The following THADA variants were observed in gnomAD, a reference collection of about 807,000 sequenced individuals.
THADA encodes tRNA (32-2'-O)-methyltransferase regulator THADA.
In THADA, 213 loss-of-function variants were observed where a neutral mutation model predicts 219.8. The ratio of observed to expected loss-of-function variants is 0.97; its 90% CI spans 0.87 to 1.09. The LOEUF (loss-of-function observed/expected upper bound fraction) is 1.09, where lower values mean the gene tolerates loss of function less well. THADA is among the 50% of genes least tolerant of loss of function. The pLI is 0.00. For missense variants in THADA, 2,956 were observed against 2,311.3 expected, an observed-to-expected ratio of 1.28 and a Z score of -5.72; for synonymous variants, 1,018 against 828.9, an observed-to-expected ratio of 1.23 and a Z score of -3.92.
At chr2:43,574,162 C>G (rs1308107345) in intron 11 of THADA, among the ~76,000 whole-genome samples, 174 bp downstream of exon 11, 3 of 152,130 alleles carry the variant, frequency 2.0e-5, no homozygotes, top group African/African-American at 7.2e-5. Context: ...CCAAAAAACT[C>G]CATTCAGCTA....
At chr2:43,526,729 T>A (rs1693215196) in intron 22 of THADA, among the ~76,000 whole-genome samples, 1 of 152,198 alleles carries the variant, frequency 6.6e-6, no homozygotes, top group African/African-American at 2.4e-5. Context: ...ACATACCTTT[T>A]GTTAAATATT....
chr2:43,350,643 G>C (rs7583470), intron 29 of THADA, among the ~76,000 whole-genome samples: 3,771 of 152,288 alleles, frequency 0.025, 167 homozygotes, highest in African/African-American at 0.086. Flanking sequence ...GCCCAACTGG[G>C]CTAGAGCCGG....
At chr2:43,333,671 G>C (rs1159158429) in intron 30 of THADA, among the ~76,000 whole-genome samples, 1 of 152,074 alleles carries the variant, frequency 6.6e-6, no homozygotes, top group African/African-American at 2.4e-5. Flanking sequence ...TAAAGTTTTG[G>C]CACGGACCAC....
At chr2:43,326,586 G>C (rs1404897955) in intron 30 of THADA, among the ~76,000 whole-genome samples, 1 of 152,156 alleles carries the variant, frequency 6.6e-6, no homozygotes, top group East Asian at 1.9e-4. Context: ...GCAGTGTCTG[G>C]TCCATGGACA....
Position 43,560,231 on chromosome 2 carries a change from T to C in THADA, c.2463+3A>G. ...CACATTTATACTAGAAAAGTCCTGA[T>C]ACCTGAAAATGTACAGCTGTTTTTG... On this transcript the variant is annotated splice_donor_region_variant and intron_variant, in intron 16 of 37. Coordinates refer to ENST00000405975, the MANE Select transcript of THADA (RefSeq NM_022065.5). 2.5e-6 allele frequency: 4 copies of C among 1,609,466 alleles called. No individual in the cohort carries two copies. Among genetic ancestry groups the C allele is most frequent in the African/African-American group, 1.3e-5 (1 of 74,820 alleles).
chr2:43,554,814 A>T (rs926464544), intron 17 of THADA, among the ~76,000 whole-genome samples: 5 of 152,190 alleles, frequency 3.3e-5, no homozygotes, highest in African/African-American at 1.2e-4. Context: ...GTGCATTAGA[A>T]GATATTAATA....
Position 43,292,934 on chromosome 2 carries a change from G to C in THADA, c.4718C>G (p.Ser1573Cys). 6.2e-7 allele frequency: 1 copy of C among 1,614,042 alleles called. No homozygotes were observed. The highest frequency in any genetic ancestry group is 1.3e-5 in the African/African-American group (1 of 75,060). ...TGGCACGCCCTTCTCTCCAAGTCCA[G>C]AGGCTGCTGCTAAGAACTTTTCCAA... ...ALLEKFLAAA[S>C]GLGEKGVPPL... The change falls in exon 32 of 38, where the codon TCT (serine) becomes TGT (cysteine). Residue 1573 changes from serine (S) to cysteine (C), a missense_variant. By Grantham distance (112) the Ser-to-Cys change is moderately radical. Coordinates refer to ENST00000405975, the MANE Select transcript of THADA (RefSeq NM_022065.5).
chr2:43,448,924 T>C lies in THADA; in HGVS notation c.3837-18622A>G, dbSNP rs950427720. ...ACAAAACAAACAAACAAAACCCTGC[T>C]AGGCATACAAAGAAACAGGGAAAGA... On this transcript the variant is annotated intron_variant, in intron 26 of 37. Coordinates refer to ENST00000405975, the MANE Select transcript of THADA (RefSeq NM_022065.5). Among the ~76,000 whole-genome samples, 8 of 152,114 alleles carry C rather than the reference T, an allele frequency of 5.3e-5. No homozygotes were observed. In the East Asian group the frequency reaches 1.5e-3, roughly 29 times the overall value.
chr2:43,262,117 T>A (rs993851030), intron 36 of THADA, among the ~76,000 whole-genome samples: 9 of 152,250 alleles, frequency 5.9e-5, no homozygotes, highest in Middle Eastern at 3.2e-3. Flanking sequence ...TAGAGCTGGA[T>A]GTGTTTCCTT....
At chr2:43,405,005 C>A (rs72879286) in intron 28 of THADA, among the ~76,000 whole-genome samples, 2 of 152,210 alleles carry the variant, frequency 1.3e-5, no homozygotes, top group Admixed American at 1.3e-4. Context: ...TTTGTCTCAA[C>A]AACTGGCTGA....
At chr2:43,515,213 TAA>T (rs1691422111) in intron 22 of THADA, among the ~76,000 whole-genome samples, 11 of 81,876 alleles carry the variant, frequency 1.3e-4, no homozygotes, top group South Asian at 4.0e-4. Context: ...ATATAATATA[TAA>T]TATATTATAT....
At chr2:43,511,370 G>C (rs2105106377) in intron 22 of THADA, among the ~76,000 whole-genome samples, 3 of 152,288 alleles carry the variant, frequency 2.0e-5, no homozygotes, top group Middle Eastern at 6.8e-3. Context: ...AGCCCGCAGA[G>C]GCTGTGGCAA....
intron 26 of THADA, among the ~76,000 whole-genome samples, chr2:43,471,933 G>T (rs1174560455): frequency 6.6e-5 from 10 of 152,150 alleles, no homozygotes; most frequent in African/African-American, 2.4e-4. Context: ...ACATAATGAA[G>T]ATATTAGATC....
At chr2:43,556,620 A>C in intron 16 of THADA, 65 bp from the exon 17 acceptor site, 1 of 1,464,732 alleles carries the variant, frequency 6.8e-7, no homozygotes, top group East Asian at 2.5e-5. Context: ...AAAAATAGTA[A>C]ATTTTTTAAA....
intron 22 of THADA, among the ~76,000 whole-genome samples, chr2:43,510,731 G>T (rs1040076713): frequency 6.6e-6 from 1 of 151,380 alleles, no homozygotes; most frequent in African/African-American, 2.4e-5. Flanking sequence ...AGCATTTTGG[G>T]AGGCTGAGGC....
intron 29 of THADA, among the ~76,000 whole-genome samples, chr2:43,375,957 A>G (rs1307332140): frequency 6.6e-6 from 1 of 152,214 alleles, no homozygotes; most frequent in African/African-American, 2.4e-5. Flanking sequence ...AACCCAACAC[A>G]AGAAACACCA....
chr2:43,591,843 TA>T, intron 3 of THADA, 108 bp downstream of exon 3: 1 of 616,846 alleles, frequency 1.6e-6, no homozygotes, highest in Non-Finnish European at 2.6e-6. Flanking sequence ...TTGCTAATGA[TA>T]AACTGATATG....
Position 43,330,479 on chromosome 2 carries a change from C to T in THADA, c.4344-9939G>A, listed in dbSNP as rs533481835. On this transcript the variant is annotated intron_variant, in intron 30 of 37. Transcript: ENST00000405975. ...GGAGGTGGCCGAAACCCCAGCCACA[C>T]GGGACAAATGTATCAGGGCTGAGCA... Among the ~76,000 whole-genome samples the T allele has an allele frequency of 1.6e-4, 24 of 152,226 alleles. 1 individual carries two copies. Among genetic ancestry groups the T allele is most frequent in the East Asian group, 9.7e-4 (5 of 5,178 alleles).
chr2:43,562,701 T>C (rs1023052207), intron 15 of THADA: 3 of 152,202 alleles, frequency 2.0e-5, no homozygotes, highest in Non-Finnish European at 4.4e-5. Context: ...ACCAGAGAAG[T>C]CACTTGCCCT....
Sources: allele counts gnomAD v4.1 joint callset (sites outside exome capture counted in the v4.1 genomes callset), GRCh38; gene constraint gnomAD v4.1.1; transcripts MANE v1.5; gene names NCBI Gene and HGNC (gene_info 2026-07-23, HGNC 2026-07-21).